The following ZNRF3 variants were observed in gnomAD, a reference collection of about 807,000 sequenced individuals.
ZNRF3 encodes the protein E3 ubiquitin-protein ligase ZNRF3.
ZNRF3 carries 23 observed loss-of-function variants against 72.5 expected under a neutral mutation model. The ratio of observed to expected loss-of-function variants is 0.32; its 90% CI spans 0.23 to 0.45. The LOEUF (loss-of-function observed/expected upper bound fraction) is 0.45. Ranked by LOEUF, ZNRF3 falls within the 20% of genes least tolerant of loss-of-function variation. The pLI, the probability that ZNRF3 is intolerant of heterozygous loss-of-function variation, is 1.00. For synonymous variants in ZNRF3, 610 were observed against 545.3 expected (o/e 1.12, Z -1.65); for missense variants, 1,169 against 1,272.1 (o/e 0.92, Z 1.23).
chr22:28,925,270 A>G (rs547934033), intron 1 of ZNRF3, among the ~76,000 whole-genome samples: 1 of 152,196 alleles, frequency 6.6e-6, no homozygotes, highest in South Asian at 2.1e-4. Flanking sequence ...CATAGTGACT[A>G]AAGTCCACTT....
rs112790825 is a variant in ZNRF3, at chr22:29,048,975, G to A, written c.1016-222G>A. Among the ~76,000 whole-genome samples the A allele has an allele frequency of 4.3e-3, 660 of 152,296 alleles. 1 individual carries two copies. Among genetic ancestry groups the A allele is most frequent in the African/African-American group, 0.015 (632 of 41,570 alleles). Reference sequence around the variant, plus strand: ...GGTGCCCTGTCAGGCAGAGCAGTGGGGAGTTGGGAGCGGGGCCCTTACAGG... The same window carrying A: ...GGTGCCCTGTCAGGCAGAGCAGTGGAGAGTTGGGAGCGGGGCCCTTACAGG... On this transcript the variant is annotated intron_variant, in intron 7 of 8. Transcript: ENST00000544604. The surrounding 1 kb of genome is among the most constrained non-coding windows in gnomAD (Gnocchi z 4.9).
At chr22:28,887,782 T>A (rs2033818248) in intron 1 of ZNRF3, among the ~76,000 whole-genome samples, 1 of 152,198 alleles carries the variant, frequency 6.6e-6, no homozygotes, top group African/African-American at 2.4e-5. Flanking sequence ...ATTTCATCTT[T>A]GAACCAATTT....
intron 2 of ZNRF3, among the ~76,000 whole-genome samples, chr22:29,020,808 T>A (rs2036525329): frequency 6.8e-6 from 1 of 146,858 alleles, no homozygotes; most frequent in Non-Finnish European, 1.5e-5. Flanking sequence ...TGTGTGTGTG[T>A]GTGTTTGAGA....
At position 29,042,563 on chromosome 22, in the gene ZNRF3, T is replaced by C. The variant is rs2036984431; in HGVS notation, c.495T>C (p.Ile165=). The change falls in exon 3 of 9, where the codon ATT becomes ATC. Residue 165 remains isoleucine (I), a synonymous_variant. Transcript: ENST00000544604. Reference sequence around the variant, plus strand: ...ATGTGTCTGAAAACCCAGAAGCTATTGATCAGGTAAGCTCCTCAGGCCATG... The same window carrying C: ...ATGTGTCTGAAAACCCAGAAGCTATCGATCAGGTAAGCTCCTCAGGCCATG... ...IFDVSENPEA[I]DQLNQGSEDP... 6.2e-7 allele frequency: 1 copy of C among 1,613,400 alleles called. No individual in the cohort carries two copies. Among genetic ancestry groups the C allele is most frequent in the Non-Finnish European group, 8.5e-7 (1 of 1,179,982 alleles).
At chr22:28,947,433 T>C (rs887348124) in intron 1 of ZNRF3, among the ~76,000 whole-genome samples, 4 of 152,254 alleles carry the variant, frequency 2.6e-5, no homozygotes, top group Admixed American at 6.5e-5. Context: ...ATTGCCAGAC[T>C]GTTTTCCAAC....
chr22:28,915,787 G>A (rs2034396812), intron 1 of ZNRF3, among the ~76,000 whole-genome samples: 1 of 152,218 alleles, frequency 6.6e-6, no homozygotes, highest in Non-Finnish European at 1.5e-5. Flanking sequence ...TTCAGTAACA[G>A]CTTTAAGATA....
At chr22:29,046,646 T>C in intron 5 of ZNRF3, 70 bp from the exon 6 acceptor site, 1 of 1,421,160 alleles carries the variant, frequency 7.0e-7, no homozygotes. Flanking sequence ...GAATCGTGTG[T>C]CATGTCCCTG....
rs886663967 is a variant in ZNRF3 at position 29,057,135 on chromosome 22, G to A, written c.*3513G>A. On this transcript the variant is annotated 3_prime_UTR_variant, in exon 9 of 9. Coordinates refer to ENST00000544604, the MANE Select transcript of ZNRF3 (RefSeq NM_001206998.2). ...AAGATTTTGTAATAAAATGGTCTAA[G>A]GGCTCTTTTTCCAACATTACCATTT... 3 of 152,086 alleles carry A rather than the reference G, an allele frequency of 2.0e-5. No individual in the cohort carries two copies. The highest frequency in any genetic ancestry group is 7.2e-5 in the African/African-American group (3 of 41,412). 9.4% of individuals were successfully genotyped at this position (152,086 alleles called of 1,614,324 possible). A position where few individuals can be genotyped will look rare whatever the true frequency, so the allele number is the denominator to read the frequency against.
intron 1 of ZNRF3, among the ~76,000 whole-genome samples, chr22:28,936,859 C>T (rs1265054662): frequency 1.3e-5 from 2 of 151,928 alleles, no homozygotes; most frequent in East Asian, 3.9e-4. Context: ...CTGCACTGTC[C>T]AAGGAGTCTC....
intron 2 of ZNRF3, chr22:29,026,212 T>C (rs1373127687): frequency 6.6e-6 from 1 of 152,194 alleles, no homozygotes; most frequent in African/African-American, 2.4e-5. Flanking sequence ...ATATAGCACA[T>C]TTTAGGGTCT....
At chr22:28,997,316 C>A (rs2036061059) in intron 2 of ZNRF3, among the ~76,000 whole-genome samples, 1 of 151,740 alleles carries the variant, frequency 6.6e-6, no homozygotes, top group African/African-American at 2.4e-5. Flanking sequence ...GTCCTCTTAT[C>A]ACATTGTTTC....
chr22:29,014,641 GTTTA>G (rs1191585997), intron 2 of ZNRF3, among the ~76,000 whole-genome samples: 1 of 152,206 alleles, frequency 6.6e-6, no homozygotes, highest in Non-Finnish European at 1.5e-5. Flanking sequence ...TCATTCATAT[GTTTA>G]TTAAGCACTG....
At chr22:28,990,505 C>G (rs143442906) in intron 2 of ZNRF3, among the ~76,000 whole-genome samples, 2 of 152,004 alleles carry the variant, frequency 1.3e-5, no homozygotes, top group Non-Finnish European at 2.9e-5. Flanking sequence ...GCCAATATGG[C>G]GAAATCCCAT....
intron 1 of ZNRF3, among the ~76,000 whole-genome samples, chr22:28,906,072 C>T (rs1210733045): frequency 6.6e-6 from 1 of 152,230 alleles, no homozygotes; most frequent in Admixed American, 6.5e-5. Context: ...CGCCTATAAT[C>T]CCAGCACTTT....
intron 1 of ZNRF3, among the ~76,000 whole-genome samples, chr22:28,891,728 G>A (rs2033891679): frequency 6.6e-6 from 1 of 152,216 alleles, no homozygotes; most frequent in Admixed American, 6.5e-5. Flanking sequence ...TTAGAGTTGA[G>A]TTTAAACCCA....
chr22:28,920,790 T>C (rs774655990), intron 1 of ZNRF3, among the ~76,000 whole-genome samples: 2 of 152,264 alleles, frequency 1.3e-5, no homozygotes, highest in Non-Finnish European at 2.9e-5. Context: ...GGGTAGCCTG[T>C]ACCCCTTGGA....
chr22:28,989,794 A>G (rs1441255615), intron 2 of ZNRF3, among the ~76,000 whole-genome samples: 2 of 152,080 alleles, frequency 1.3e-5, no homozygotes, highest in Non-Finnish European at 2.9e-5. Flanking sequence ...CACCCTCTTC[A>G]CCTACCCGCG....
rs779457524 is a variant in ZNRF3 at position 29,049,984 on chromosome 22, C to T, written c.1803C>T (p.Ser601=). ...SSDYDPFIYR[S]RSPCRASEAG... is the part of the protein sequence containing the mutation. ...ACTATGACCCCTTCATCTACCGCAG[C>T]CGGAGCCCCTGTCGTGCCAGTGAGG... Residue 601 remains serine, a synonymous_variant, in exon 8 of 9, where the codon AGC becomes AGT. Transcript: ENST00000544604. The surrounding 1 kb of genome is among the most constrained non-coding windows in gnomAD (Gnocchi z 5.2). The T allele has an allele frequency of 6.2e-7, 1 of 1,612,288 alleles. No homozygotes were observed. Among genetic ancestry groups the T allele is most frequent in the South Asian group, 1.1e-5 (1 of 90,948 alleles).
At chr22:28,895,953 G>C (rs1338167741) in intron 1 of ZNRF3, among the ~76,000 whole-genome samples, 1 of 152,096 alleles carries the variant, frequency 6.6e-6, no homozygotes, top group Admixed American at 6.5e-5. Context: ...AAGGCTGTCT[G>C]CTGTTCAGGT....
Sources: allele counts gnomAD v4.1 joint callset (sites outside exome capture counted in the v4.1 genomes callset), GRCh38; gene constraint gnomAD v4.1.1; non-coding constraint Gnocchi (gnomAD v3.1); transcripts MANE v1.5; gene names NCBI Gene and HGNC (gene_info 2026-07-23, HGNC 2026-07-21).